The following RALGAPA1 variants were observed in gnomAD, a reference collection of about 807,000 sequenced individuals.
RALGAPA1 encodes Ral GTPase activating protein catalytic subunit alpha 1.
Under a neutral mutation model 269.6 loss-of-function variants are expected in RALGAPA1, and 52 were observed. The ratio of observed to expected loss-of-function variants is 0.19; its 90% CI spans 0.15 to 0.24. The LOEUF (loss-of-function observed/expected upper bound fraction) is 0.24, where lower values mean the gene tolerates loss of function less well. Ranked by LOEUF, RALGAPA1 falls within the 10% of genes least tolerant of loss-of-function variation. RALGAPA1 has a pLI of 1.00. For synonymous variants in RALGAPA1, 817 were observed against 1,008.3 expected (o/e 0.81, Z 3.60); for missense variants, 1,917 against 3,013.9 (o/e 0.64, Z 8.52).
chr14:35,689,698 C>G lies in RALGAPA1; in HGVS notation c.2713G>C (p.Asp905His). ...HSRESSLEVGDSIYDHLCHLI... is the reference protein window; with the variant it reads ...HSRESSLEVGHSIYDHLCHLI... Reference sequence around the variant, plus strand: ...TGACAAAGATGGTCATATATGCTATCACCAACTTCCAGAGAAGACTCTCTA... The same window carrying G: ...TGACAAAGATGGTCATATATGCTATGACCAACTTCCAGAGAAGACTCTCTA... The change falls in exon 18 of 42, where the codon GAT (aspartate) becomes CAT (histidine). Residue 905 changes from aspartate to histidine, a missense_variant. Asp to His is a moderately conservative substitution (Grantham distance 81). Transcript: ENST00000680220. The G allele has an allele frequency of 7.1e-7, 1 of 1,402,548 alleles. No homozygotes were observed. The allele number at this position is 1,402,548 out of a possible 1,614,324, so 86.9% of individuals were successfully genotyped here. A position where few individuals can be genotyped will look rare whatever the true frequency, so the allele number is the denominator to read the frequency against.
intron 17 of RALGAPA1, among the ~76,000 whole-genome samples, 186 bp from the exon 18 acceptor site, chr14:35,690,189 G>A (rs909545288): frequency 4.6e-5 from 7 of 152,082 alleles, no homozygotes; most frequent in Admixed American, 1.3e-4. Flanking sequence ...AATATAGCAT[G>A]TAGTGTCAAT....
intron 11 of RALGAPA1, among the ~76,000 whole-genome samples, chr14:35,739,114 C>A (rs1237763860): frequency 2.6e-5 from 4 of 152,086 alleles, no homozygotes; most frequent in Admixed American, 2.0e-4. Context: ...ACTGAAACTT[C>A]AAATCACTGA....
Position 35,605,725 on chromosome 14 carries a change from T to C in RALGAPA1, c.6930-16A>G, listed in dbSNP as rs1382199359. 1.2e-6 allele frequency: 2 copies of C among 1,601,590 alleles called. No individual in the cohort carries two copies. The highest frequency in any genetic ancestry group is 2.3e-5 in the South Asian group (2 of 87,540). The stretch of plus-strand genomic sequence containing the variant: ...TGTCTCTCGGCTATAAAACAAAAGA[T>C]TACACCATTAATTTAATCACTATTT... On this transcript the variant is annotated splice_polypyrimidine_tract_variant and intron_variant, in intron 35 of 41. Coordinates refer to ENST00000680220, the MANE Select transcript of RALGAPA1 (RefSeq NM_001346249.2).
chr14:35,623,326 C>CACACACAGACATACACACACACAG (rs560376177), intron 35 of RALGAPA1, among the ~76,000 whole-genome samples: 1 of 152,026 alleles, frequency 6.6e-6, no homozygotes, highest in African/African-American at 2.4e-5. Flanking sequence ...CTCTCTCTCA[C>CACACACAGACATACACACACACAG]ACACACAGAC....
chr14:35,780,416 T>A (rs1359332153), intron 1 of RALGAPA1, among the ~76,000 whole-genome samples: 1 of 152,080 alleles, frequency 6.6e-6, no homozygotes, highest in Non-Finnish European at 1.5e-5. Context: ...AACAAAAGAA[T>A]ACAGTCTTTT....
At chr14:35,564,144 G>A (rs1594601187) in intron 39 of RALGAPA1, among the ~76,000 whole-genome samples, 1 of 152,030 alleles carries the variant, frequency 6.6e-6, no homozygotes, top group Admixed American at 6.5e-5. Context: ...ATGACAGATA[G>A]GTTACCTAGT....
intron 22 of RALGAPA1, chr14:35,676,671 C>A (rs1004207377): frequency 2.0e-5 from 3 of 152,264 alleles, no homozygotes; most frequent in Middle Eastern, 3.4e-3. Flanking sequence ...AGAAAACATA[C>A]ACTTATTAGG....
chr14:35,572,876 G>A, intron 37 of RALGAPA1, 158 bp from the exon 38 acceptor site: 1 of 440,166 alleles, frequency 2.3e-6, no homozygotes. Flanking sequence ...AAAAACATCA[G>A]GAGACACTGC....
In RALGAPA1 at chr14:35,688,868, G is replaced by A. The variant is rs1260381411; in HGVS notation, c.3543C>T (p.Leu1181=). 75 of 1,282,670 alleles carry A rather than the reference G, an allele frequency of 5.8e-5. No individual in the cohort carries two copies. The highest frequency in any genetic ancestry group is 6.8e-5 in the Non-Finnish European group (69 of 1,017,656). The allele number at this position is 1,282,670 out of a possible 1,614,324, so 79.5% of individuals were successfully genotyped here. A position where few individuals can be genotyped will look rare whatever the true frequency, so the allele number is the denominator to read the frequency against. The change falls in exon 18 of 42, where the codon CTC becomes CTT. Residue 1181 remains leucine (L), a synonymous_variant. Coordinates refer to ENST00000680220, the MANE Select transcript of RALGAPA1 (RefSeq NM_001346249.2). ...TGCTGCTACCACTACTAAAGCCACC[G>A]AGCTTCCGCAGTCTCATCTTCCATG... is the stretch of plus-strand genomic sequence containing the variant. ...EAPWKMRLRK[L]GGFSSGSSNS... is the part of the protein sequence containing the mutation.
In RALGAPA1 at chr14:35,766,016, T is replaced by C. The variant is rs59249989; in HGVS notation, c.326-3263A>G. ...GGAAGCAGAATCTCCACTTTGAGAA[T>C]GAAGATTCAGACTGGCTGATAACTG... is the stretch of plus-strand genomic sequence containing the variant. On this transcript the variant is annotated intron_variant, in intron 4 of 41. Coordinates refer to ENST00000680220, the MANE Select transcript of RALGAPA1 (RefSeq NM_001346249.2). 9.8e-4 allele frequency: 1,371 copies of C among 1,397,620 alleles called. 7 individuals are homozygous for C. In the African/African-American group the frequency reaches 0.016, roughly 16 times the overall value. 86.6% of individuals were successfully genotyped at this position (1,397,620 alleles called of 1,614,324 possible).
At chr14:35,674,323 T>C in intron 23 of RALGAPA1, 45 bp from the exon 24 acceptor site, 1 of 1,467,738 alleles carries the variant, frequency 6.8e-7, no homozygotes, top group Middle Eastern at 1.8e-4. Flanking sequence ...AAAACTGTTA[T>C]CTCTTCCAGT....
At position 35,685,031 on chromosome 14, in the gene RALGAPA1, C is replaced by G; in HGVS notation, c.4192G>C (p.Glu1398Gln). 1 of 1,611,116 alleles carries G rather than the reference C, an allele frequency of 6.2e-7. No homozygotes were observed. Among genetic ancestry groups the G allele is most frequent in the Non-Finnish European group, 8.5e-7 (1 of 1,178,650 alleles). ...CCTGCACTGGCAGGAGAAGTCCATT[C>G]TGAGGGCACACCTGGGTCATCAATA... The part of the protein sequence containing the change: ...RPIDDPGVPS[E>Q]WTSPASAGSS... Residue 1398 changes from glutamate to glutamine, a missense_variant, in exon 20 of 42, where the codon GAA becomes CAA. Physicochemically the swap from Glu to Gln is conservative, Grantham distance 29. Coordinates refer to ENST00000680220, the MANE Select transcript of RALGAPA1 (RefSeq NM_001346249.2).
At chr14:35,651,930 T>A in intron 30 of RALGAPA1, 57 bp from the exon 31 acceptor site, 4 of 1,403,158 alleles carry the variant, frequency 2.9e-6, no homozygotes, top group Non-Finnish European at 3.9e-6. Flanking sequence ...TAATGGTACA[T>A]CCTAAAACTT....
chr14:35,634,892 C>G (rs1004932645), intron 32 of RALGAPA1, 135 bp from the exon 33 acceptor site: 2 of 842,858 alleles, frequency 2.4e-6, no homozygotes, highest in Non-Finnish European at 3.4e-6. Flanking sequence ...TCAGGCCTGG[C>G]ACAGTGGCTC....
chr14:35,719,748 CTT>C (rs906195026), intron 16 of RALGAPA1, among the ~76,000 whole-genome samples: 1 of 151,322 alleles, frequency 6.6e-6, no homozygotes, highest in Non-Finnish European at 1.5e-5. Flanking sequence ...ACAATTTCTT[CTT>C]TTTTTTTGAG....
intron 34 of RALGAPA1, among the ~76,000 whole-genome samples, chr14:35,626,794 G>A (rs1200417843): frequency 6.6e-6 from 1 of 150,910 alleles, no homozygotes; most frequent in Admixed American, 6.6e-5. Flanking sequence ...TCATATTGCA[G>A]TTTCTAAAAA....
At chr14:35,766,068 GC>G in intron 4 of RALGAPA1, 1 of 1,283,138 alleles carries the variant, frequency 7.8e-7, no homozygotes, top group Non-Finnish European at 1.1e-6. Flanking sequence ...GAGTGCAGTT[GC>G]CATATCGGCA....
intron 35 of RALGAPA1, among the ~76,000 whole-genome samples, chr14:35,617,651 G>A (rs2060345318): frequency 3.5e-5 from 2 of 57,108 alleles, no homozygotes; most frequent in African/African-American, 7.0e-5. Context: ...GGGGGGGGGG[G>A]GAAGGGGGTG....
intron 21 of RALGAPA1, among the ~76,000 whole-genome samples, chr14:35,681,068 C>A (rs1182239290): frequency 6.6e-6 from 1 of 152,034 alleles, no homozygotes; most frequent in Admixed American, 6.6e-5. Context: ...TACTAGATTT[C>A]TTTCGTAGTT....
Sources: allele counts gnomAD v4.1 joint callset (sites outside exome capture counted in the v4.1 genomes callset), GRCh38; gene constraint gnomAD v4.1.1; transcripts MANE v1.5; gene names NCBI Gene and HGNC (gene_info 2026-07-23, HGNC 2026-07-21).